Variants in PRR14L observed in about 807,000 individuals in gnomAD.
PRR14L encodes proline rich 14 like.
A neutral mutation model predicts 155.0 loss-of-function variants in PRR14L; 80 were observed. That is an observed-to-expected ratio of 0.52 (90% CI 0.43 to 0.62). The LOEUF (loss-of-function observed/expected upper bound fraction) is 0.62, where lower values mean the gene tolerates loss of function less well. Among genes scored for constraint, PRR14L ranks in the 20% least tolerant of loss-of-function variants. The probability of loss-of-function intolerance (pLI) is 0.00; values close to 1 mark genes in which losing one functional copy is unlikely to be tolerated. For missense variants in PRR14L, 2,469 were observed against 2,548.0 expected (o/e 0.97, Z 0.67); for synonymous variants, 883 against 916.0 (o/e 0.96, Z 0.65).
chr22:31,719,590 G>C (rs2074679389), intron 3 of PRR14L, among the ~76,000 whole-genome samples: 1 of 152,158 alleles, frequency 6.6e-6, no homozygotes, highest in Non-Finnish European at 1.5e-5. Flanking sequence ...AACGAATATA[G>C]TTAGGTCAAA....
At chr22:31,702,814 C>A (rs1230036322) in intron 6 of PRR14L, among the ~76,000 whole-genome samples, 2 of 147,486 alleles carry the variant, frequency 1.4e-5, no homozygotes, top group Non-Finnish European at 3.0e-5. Context: ...CCGTGCCCGG[C>A]CTTTTATTTT....
chr22:31,744,343 G>C (rs1838574884), intron 1 of PRR14L, among the ~76,000 whole-genome samples: 1 of 152,162 alleles, frequency 6.6e-6, no homozygotes, highest in African/African-American at 2.4e-5. Context: ...ATGTTGGTCA[G>C]GCTGATCTCA....
In PRR14L at chr22:31,738,685, T is replaced by C; in HGVS notation, c.176A>G (p.Gln59Arg). 6 of 1,552,004 alleles carry C rather than the reference T, an allele frequency of 3.9e-6. No homozygotes were observed. Among genetic ancestry groups the C allele is most frequent in the Non-Finnish European group, 5.2e-6 (6 of 1,147,070 alleles). The change falls in exon 2 of 9, where the codon CAG becomes CGG. Residue 59 changes from glutamine (Q) to arginine (R), a missense_variant. Physicochemically the swap from Gln to Arg is conservative, Grantham distance 43 (BLOSUM62 1). This residue lies in a region of PRR14L where 2,363 missense variants were observed against 2,371.6 expected (regional missense o/e 1.00). Transcript: ENST00000327423. ...CAGCTCCAAGGGCAATGCCCTATTC[T>C]GACTTAAAAGAGAGCTTGAGGCTCC... Reference protein sequence around the residue: ...KPGASSSLLSQNRALPLELQR... With the variant: ...KPGASSSLLSRNRALPLELQR...
At chr22:31,692,300 G>C (rs1207674510) in intron 7 of PRR14L, among the ~76,000 whole-genome samples, 1 of 151,982 alleles carries the variant, frequency 6.6e-6, no homozygotes, top group East Asian at 1.9e-4. Flanking sequence ...GTGTATAAGG[G>C]TTTGAGTTTC....
At chr22:31,726,745 C>T (rs540207449) in intron 2 of PRR14L, among the ~76,000 whole-genome samples, 1 of 152,160 alleles carries the variant, frequency 6.6e-6, no homozygotes. Flanking sequence ...AACCCAAGGA[C>T]TCTCACCTAC....
chr22:31,688,925 C>CACACACAA (rs1165552534), intron 7 of PRR14L, among the ~76,000 whole-genome samples: 12 of 151,358 alleles, frequency 7.9e-5, no homozygotes, highest in African/African-American at 2.9e-4. Flanking sequence ...CACACACACA[C>CACACACAA]AAAAACCCTT....
intron 2 of PRR14L, among the ~76,000 whole-genome samples, chr22:31,735,285 C>G (rs985526637): frequency 1.3e-5 from 2 of 151,982 alleles, no homozygotes; most frequent in Admixed American, 6.6e-5. Context: ...TAAAAAAATA[C>G]AAAAATTTAG....
rs138827264 is a variant in PRR14L at position 31,715,705 on chromosome 22, T to G, written c.2134A>C (p.Lys712Gln). 12 of 1,552,304 alleles carry G rather than the reference T, an allele frequency of 7.7e-6. No homozygotes were observed. The highest frequency in any genetic ancestry group is 2.0e-5 in the Admixed American group (1 of 51,008). ...ADIQTIPIQT[K>Q]IKDISPPGNQ... is the part of the protein sequence containing the mutation. Reference sequence around the variant, plus strand: ...CCTGGTGGAGAGATGTCTTTTATTTTTGTCTGAATGGGAATGGTTTGTATA... The same window carrying G: ...CCTGGTGGAGAGATGTCTTTTATTTGTGTCTGAATGGGAATGGTTTGTATA... The change falls in exon 4 of 9, where the codon AAA (lysine) becomes CAA (glutamine). Residue 712 changes from lysine to glutamine, a missense_variant. Physicochemically the swap from Lys to Gln is moderately conservative, Grantham distance 53 (BLOSUM62 1). Transcript: ENST00000327423.
chr22:31,714,108 T>C lies in PRR14L; in HGVS notation c.3731A>G (p.Gln1244Arg), dbSNP rs1472679840. 1 of 1,550,454 alleles carries C rather than the reference T, an allele frequency of 6.4e-7. No homozygotes were observed. Among genetic ancestry groups the C allele is most frequent in the Non-Finnish European group, 8.7e-7 (1 of 1,146,804 alleles). Reference sequence around the variant, plus strand: ...GTTAACATTAGTTTCTGAATTTTCTTGAGAAGGCATTATTTCAATGGATTT... The same window carrying C: ...GTTAACATTAGTTTCTGAATTTTCTCGAGAAGGCATTATTTCAATGGATTT... ...SLKSIEIMPS[Q>R]ENSETNVNSE... The change falls in exon 4 of 9, where the codon CAA (glutamine) becomes CGA (arginine). Residue 1244 changes from glutamine to arginine, a missense_variant. Around this residue, in one of 2 missense-constraint regions of PRR14L, gnomAD observed 2,363 missense variants for 2,371.6 expected, o/e 1.00. Coordinates refer to ENST00000327423, the MANE Select transcript of PRR14L (RefSeq NM_173566.3).
chr22:31,702,216 T>TG (rs59384944), intron 6 of PRR14L, among the ~76,000 whole-genome samples: 2,278 of 79,964 alleles, frequency 0.028, 58 homozygotes, highest in African/African-American at 0.16. Context: ...CTATTCCTGC[T>TG]TTTTTTATTA....
intron 4 of PRR14L, among the ~76,000 whole-genome samples, chr22:31,705,117 CA>C (rs1220535031): frequency 2.0e-5 from 3 of 151,948 alleles, no homozygotes; most frequent in Non-Finnish European, 2.9e-5. Flanking sequence ...AAAATTTAGC[CA>C]GGGGTGGTGG....
chr22:31,725,796 G>C (rs2074713587), intron 2 of PRR14L, among the ~76,000 whole-genome samples, 186 bp from the exon 3 acceptor site: 1 of 152,070 alleles, frequency 6.6e-6, no homozygotes, highest in Admixed American at 6.6e-5. Context: ...AGCCTCCCAA[G>C]TAGCTGGGAT....
At chr22:31,727,304 G>C (rs2074721818) in intron 2 of PRR14L, among the ~76,000 whole-genome samples, 1 of 151,176 alleles carries the variant, frequency 6.6e-6, no homozygotes, top group Admixed American at 6.6e-5. Flanking sequence ...TGCGATCTCG[G>C]CTCACTGCAA....
In PRR14L at chr22:31,736,040, A is replaced by G. The variant is rs1190205728; in HGVS notation, c.474+2347T>C. Among the ~76,000 whole-genome samples, 678 of 123,718 alleles carry G rather than the reference A, an allele frequency of 5.5e-3. 6 individuals are homozygous for G. Among genetic ancestry groups the G allele is most frequent in the African/African-American group, 0.018 (568 of 31,506 alleles). 81.2% of individuals were successfully genotyped at this position (123,718 alleles called of 152,430 possible). On this transcript the variant is annotated intron_variant, in intron 2 of 8. Coordinates refer to ENST00000327423, the MANE Select transcript of PRR14L (RefSeq NM_173566.3). ...TGCACTCCAGCCTGGGCAACAGAGC[A>G]AGACTCCATCTCAAAAAAAAAAAAA...
chr22:31,743,355 G>C (rs192664714), intron 1 of PRR14L, among the ~76,000 whole-genome samples: 20 of 152,198 alleles, frequency 1.3e-4, no homozygotes, highest in African/African-American at 4.3e-4. Flanking sequence ...GAGGGACACA[G>C]AGTTTCTTTC....
At chr22:31,702,847 C>T (rs2074569612) in intron 6 of PRR14L, among the ~76,000 whole-genome samples, 1 of 139,330 alleles carries the variant, frequency 7.2e-6, no homozygotes, top group African/African-American at 2.7e-5. Context: ...GGGTTTCACT[C>T]TGTCACTCAG....
rs766442880 is a variant in PRR14L at position 31,713,026 on chromosome 22, T to C, written c.4813A>G (p.Asn1605Asp). 189 of 1,552,152 alleles carry C rather than the reference T, an allele frequency of 1.2e-4. No individual in the cohort carries two copies. Among genetic ancestry groups the C allele is most frequent in the Non-Finnish European group, 1.5e-4 (169 of 1,147,124 alleles). Reference sequence around the variant, plus strand: ...GATTCTTTGGTAGTCTTCCTAAAATTCAGGCTCCTCAAGGGATGGCACGGT... The same window carrying C: ...GATTCTTTGGTAGTCTTCCTAAAATCCAGGCTCCTCAAGGGATGGCACGGT... ...STPCHPLRSL[N>D]FRKTTKESAL... is the part of the protein sequence containing the mutation. The change falls in exon 4 of 9, where the codon AAT becomes GAT. Residue 1605 changes from asparagine (N) to aspartate (D), a missense_variant. Physicochemically the swap from Asn to Asp is conservative, Grantham distance 23 (BLOSUM62 1). Coordinates refer to ENST00000327423, the MANE Select transcript of PRR14L (RefSeq NM_173566.3).
intron 4 of PRR14L, among the ~76,000 whole-genome samples, chr22:31,709,943 T>C (rs1373911953): frequency 1.3e-5 from 2 of 151,864 alleles, no homozygotes; most frequent in African/African-American, 2.4e-5. Flanking sequence ...TGTTGTTTTT[T>C]TAATTAAACA....
chr22:31,703,954 C>T (rs951420576), intron 5 of PRR14L, among the ~76,000 whole-genome samples: 17 of 152,158 alleles, frequency 1.1e-4, no homozygotes, highest in African/African-American at 3.6e-4. Context: ...TGCGCCACCA[C>T]GCCCAGCTAA....
Sources: allele counts gnomAD v4.1 joint callset (sites outside exome capture counted in the v4.1 genomes callset), GRCh38; gene constraint gnomAD v4.1.1; regional missense constraint gnomAD v4.1.1; transcripts MANE v1.5; gene names NCBI Gene and HGNC (gene_info 2026-07-23, HGNC 2026-07-21).